The following TRAK1 variants were observed in gnomAD, a reference collection of about 807,000 sequenced individuals.
TRAK1 encodes trafficking kinesin protein 1, also known as trafficking kinesin-binding protein 1.
Under a neutral mutation model 92.1 loss-of-function variants are expected in TRAK1, and 33 were observed. The ratio of observed to expected loss-of-function variants is 0.36; its 90% CI spans 0.27 to 0.48. The LOEUF (loss-of-function observed/expected upper bound fraction) is 0.48, where lower values mean the gene tolerates loss of function less well. TRAK1 is among the 20% of genes least tolerant of loss of function. TRAK1 has a pLI of 0.99. For missense variants in TRAK1, 1,123 were observed against 1,257.9 expected (o/e 0.89, Z 1.62); for synonymous variants, 521 against 517.3 (o/e 1.01, Z -0.10).
rs148059500 is a variant in TRAK1 at position 42,021,161 on chromosome 3, G to A, written c.-519+7044G>A. On this transcript the variant is annotated intron_variant, in intron 1 of 16. Transcript: ENST00000487159. The stretch of plus-strand genomic sequence containing the variant: ...AGGAGGAAAATGAGCAATTTGTTAT[G>A]TGTATGACTCACTGGTGCTGTGTCT... Among the ~76,000 whole-genome samples, 34 of 152,326 alleles carry A rather than the reference G, an allele frequency of 2.2e-4. No homozygotes were observed. The East Asian group carries it at 6.2e-3, about 28-fold the overall frequency.
chr3:42,193,010 TTC>T (rs1187003854), intron 7 of TRAK1, 63 bp from the exon 8 acceptor site: 101 of 1,582,832 alleles, frequency 6.4e-5, no homozygotes, highest in Admixed American at 3.5e-4. Context: ...AAAGAAACCA[TTC>T]TCTCTGGGTC....
intron 2 of TRAK1, among the ~76,000 whole-genome samples, chr3:42,138,754 C>T (rs1698270566): frequency 2.0e-5 from 3 of 148,258 alleles, no homozygotes; most frequent in Admixed American, 1.4e-4. Flanking sequence ...ACAGACACCA[C>T]AAAATGCAGT....
rs749233834 is a variant in TRAK1, at chr3:42,184,692, G to T, written c.371G>T (p.Arg124Leu). ...CCCTCTTTCCTTTTGTAGAAAGAGC[G>T]GGATTTAGAATTGGCCGCTCGCATC... ...AVTRLLEEKE[R>L]DLELAARIGQ... Residue 124 changes from arginine (R) to leucine (L), a missense_variant, in exon 4 of 16, where the codon CGG (arginine) becomes CTG (leucine). Physicochemically the swap from Arg to Leu is moderately radical, Grantham distance 102. Transcript: ENST00000327628. The T allele has an allele frequency of 1.2e-6, 2 of 1,613,998 alleles. No homozygotes were observed. Among genetic ancestry groups the T allele is most frequent in the Non-Finnish European group, 1.7e-6 (2 of 1,179,924 alleles).
intron 1 of TRAK1, among the ~76,000 whole-genome samples, chr3:42,115,302 C>T (rs575163398): frequency 5.5e-4 from 83 of 152,220 alleles, no homozygotes; most frequent in African/African-American, 2.0e-3. Flanking sequence ...GCCTCCGTAA[C>T]AGGATCCTTC....
At chr3:42,185,693 T>C (rs1704711935) in intron 4 of TRAK1, among the ~76,000 whole-genome samples, 1 of 143,012 alleles carries the variant, frequency 7.0e-6, no homozygotes, top group Non-Finnish European at 1.5e-5. Context: ...TTTTTTGAGA[T>C]GGAATTTCGC....
chr3:42,193,982 A>G (rs918974671), intron 9 of TRAK1, 84 bp downstream of exon 9: 31 of 1,163,382 alleles, frequency 2.7e-5, no homozygotes, highest in Non-Finnish European at 3.9e-5. Flanking sequence ...AGTCACGTCC[A>G]TCGCAACTAC....
At position 42,068,298 on chromosome 3, in the gene TRAK1, A is replaced by G. The variant is rs944864464; in HGVS notation, c.-518-18806A>G. Among the ~76,000 whole-genome samples, 3 of 152,210 alleles carry G rather than the reference A, an allele frequency of 2.0e-5. No individual in the cohort carries two copies. The East Asian group carries it at 5.8e-4, about 29-fold the overall frequency. On this transcript the variant is annotated intron_variant, in intron 1 of 16. Coordinates refer to the TRAK1 transcript ENST00000487159. ...TTTAGCCTTTCAAGTAGCTGGGACT[A>G]CAGGTGTGCCACCACGTCCAGCTAA... is the stretch of plus-strand genomic sequence containing the variant.
chr3:42,187,180 C>T (rs562240876), intron 4 of TRAK1, among the ~76,000 whole-genome samples: 12 of 152,076 alleles, frequency 7.9e-5, no homozygotes, highest in African/African-American at 9.7e-5. Flanking sequence ...GCATTGAGCA[C>T]GGAACGAGGT....
chr3:42,072,339 C>T (rs772123677), intron 1 of TRAK1, among the ~76,000 whole-genome samples: 28 of 152,090 alleles, frequency 1.8e-4, no homozygotes, highest in Non-Finnish European at 3.4e-4. Context: ...CCTGGGCCAG[C>T]TGGTCTCACT....
intron 1 of TRAK1, among the ~76,000 whole-genome samples, chr3:42,032,559 A>T (rs889449358): frequency 2.6e-5 from 4 of 152,142 alleles, no homozygotes; most frequent in African/African-American, 9.7e-5. Flanking sequence ...ATATCCAAAT[A>T]AATAAATATC....
chr3:42,218,529 T>C, intron 14 of TRAK1: 1 of 984,086 alleles, frequency 1.0e-6, no homozygotes, highest in Non-Finnish European at 1.2e-6. Flanking sequence ...TATTTTATTA[T>C]TATTTTTTTT....
rs1243670379 is a variant in TRAK1 at position 42,069,267 on chromosome 3, G to A, written c.-518-17837G>A. Among the ~76,000 whole-genome samples the A allele has an allele frequency of 2.7e-5, 4 of 149,718 alleles. No homozygotes were observed. The Admixed American group carries it at 2.7e-4, about 10-fold the overall frequency. ...GCCCGGGAGGTCAAGGCTGCAGTGA[G>A]ACTTGCTTGTGTCACTTTACTCCAG... On this transcript the variant is annotated intron_variant, in intron 1 of 16. Coordinates refer to the TRAK1 transcript ENST00000487159.
At chr3:42,194,081 G>A (rs1476037134) in intron 9 of TRAK1, among the ~76,000 whole-genome samples, 183 bp downstream of exon 9, 1 of 152,116 alleles carries the variant, frequency 6.6e-6, no homozygotes, top group Non-Finnish European at 1.5e-5. Flanking sequence ...CACTGTTACT[G>A]GTTATGGGCA....
intron 1 of TRAK1, among the ~76,000 whole-genome samples, chr3:42,095,365 CTT>C (rs1705749600): frequency 6.6e-6 from 1 of 152,204 alleles, no homozygotes; most frequent in African/African-American, 2.4e-5. Context: ...TTCTGACCCT[CTT>C]TAAGTTACTG....
chr3:42,050,611 C>T (rs924322662), intron 1 of TRAK1, among the ~76,000 whole-genome samples: 23 of 152,104 alleles, frequency 1.5e-4, no homozygotes, highest in African/African-American at 5.1e-4. Context: ...AAATTTTCAT[C>T]CTTTTTTCCG....
At chr3:42,133,495 A>G (rs1445625340) in intron 2 of TRAK1, among the ~76,000 whole-genome samples, 1 of 152,162 alleles carries the variant, frequency 6.6e-6, no homozygotes, top group Non-Finnish European at 1.5e-5. Flanking sequence ...GGCTGGGACT[A>G]CAGGTGCATA....
At position 42,216,023 on chromosome 3, in the gene TRAK1, G is replaced by A. The variant is rs368494561; in HGVS notation, c.1964-3471G>A. 1.2e-4 allele frequency among the ~76,000 whole-genome samples: 18 copies of A among 152,288 alleles called. No individual in the cohort carries two copies. In the East Asian group the frequency reaches 1.5e-3, roughly 13 times the overall value. On this transcript the variant is annotated intron_variant, in intron 14 of 15. Transcript: ENST00000327628. ...TTCCCAGGGATGCGGGAAGGAAAACGCCATTAGAAGGGAAGAAAATGCATG... is the reference window on the plus strand; with the variant it reads ...TTCCCAGGGATGCGGGAAGGAAAACACCATTAGAAGGGAAGAAAATGCATG...
chr3:42,061,226 G>A (rs1477739791), intron 1 of TRAK1, among the ~76,000 whole-genome samples: 2 of 151,882 alleles, frequency 1.3e-5, no homozygotes, highest in Non-Finnish European at 2.9e-5. Flanking sequence ...TTGACCTTAA[G>A]TTTTCAAGTG....
intron 14 of TRAK1, among the ~76,000 whole-genome samples, chr3:42,214,418 G>A (rs188040920): frequency 3.1e-4 from 47 of 152,322 alleles, no homozygotes; most frequent in African/African-American, 8.4e-4. Flanking sequence ...AGAGGACAGA[G>A]GGTATAGGGA....
Sources: allele counts gnomAD v4.1 joint callset (sites outside exome capture counted in the v4.1 genomes callset), GRCh38; gene constraint gnomAD v4.1.1; transcripts MANE v1.5; gene names NCBI Gene and HGNC (gene_info 2026-07-23, HGNC 2026-07-21).